The following SH3PXD2A variants were observed in gnomAD, a reference collection of about 807,000 sequenced individuals.
SH3PXD2A encodes the protein SH3 and PX domain-containing protein 2A.
SH3PXD2A carries 32 observed loss-of-function variants against 115.2 expected under a neutral mutation model. The ratio of observed to expected loss-of-function variants is 0.28; its 90% CI spans 0.21 to 0.37. The LOEUF is 0.37. Ranked by LOEUF, SH3PXD2A falls within the 10% of genes least tolerant of loss-of-function variation. SH3PXD2A has a pLI of 1.00. For synonymous variants in SH3PXD2A, 610 were observed against 629.1 expected, an observed-to-expected ratio of 0.97 and a Z score of 0.45; for missense variants, 1,328 against 1,498.7, an observed-to-expected ratio of 0.89 and a Z score of 1.88.
chr10:103,630,643 C>T (rs995465227), intron 8 of SH3PXD2A, among the ~76,000 whole-genome samples: 18 of 150,564 alleles, frequency 1.2e-4, no homozygotes, highest in Admixed American at 5.3e-4. Flanking sequence ...GAGCCAGAAG[C>T]GCTGGCTTGT....
At chr10:103,853,706 C>T (rs181823982) in intron 1 of SH3PXD2A, among the ~76,000 whole-genome samples, 20 of 152,324 alleles carry the variant, frequency 1.3e-4, no homozygotes, top group Non-Finnish European at 2.1e-4. Context: ...GAGTTGGAAA[C>T]GCACCTGCCT....
chr10:103,612,219 G>A (rs1015371572), intron 12 of SH3PXD2A, among the ~76,000 whole-genome samples: 2 of 152,222 alleles, frequency 1.3e-5, no homozygotes, highest in Non-Finnish European at 1.5e-5. Flanking sequence ...GATGGAGGGT[G>A]CCAGACTGCC....
At chr10:103,643,590 TCAAA>T (rs776484536) in intron 8 of SH3PXD2A, among the ~76,000 whole-genome samples, 111 of 152,096 alleles carry the variant, frequency 7.3e-4, no homozygotes, top group Middle Eastern at 3.4e-3. Context: ...TTGCTCTTGG[TCAAA>T]CAAACAAATG....
At chr10:103,738,651 C>T (rs1434978514) in intron 3 of SH3PXD2A, among the ~76,000 whole-genome samples, 1 of 152,310 alleles carries the variant, frequency 6.6e-6, no homozygotes, top group East Asian at 1.9e-4. Flanking sequence ...CACTCCCGCC[C>T]TTTCTCATCC....
At chr10:103,718,264 G>A (rs2038131415) in intron 5 of SH3PXD2A, among the ~76,000 whole-genome samples, 1 of 151,938 alleles carries the variant, frequency 6.6e-6, no homozygotes, top group South Asian at 2.1e-4. Context: ...CAATCCTCCC[G>A]CCTTGACCTC....
At chr10:103,607,269 G>C (rs181975957) in intron 13 of SH3PXD2A, among the ~76,000 whole-genome samples, 3 of 150,654 alleles carry the variant, frequency 2.0e-5, no homozygotes, top group African/African-American at 7.4e-5. Context: ...CAACCGCCCC[G>C]TCTGAGAAGT....
At chr10:103,608,768 C>G (rs992316388) in intron 13 of SH3PXD2A, 1 of 152,152 alleles carries the variant, frequency 6.6e-6, no homozygotes, top group Non-Finnish European at 1.5e-5. Context: ...GTGCCCAGCA[C>G]AAAATGCTCA....
chr10:103,604,088 C>T (rs908845037), intron 14 of SH3PXD2A, among the ~76,000 whole-genome samples: 2 of 152,194 alleles, frequency 1.3e-5, no homozygotes, highest in Non-Finnish European at 2.9e-5. Flanking sequence ...CCCTAAACTG[C>T]ACTGTTCCCA....
chr10:103,624,279 A>C (rs1403957753), intron 9 of SH3PXD2A, among the ~76,000 whole-genome samples: 1 of 152,242 alleles, frequency 6.6e-6, no homozygotes, highest in Non-Finnish European at 1.5e-5. Flanking sequence ...ACAGCAGCAC[A>C]GAAGACCGTG....
At chr10:103,608,448 AAAG>A (rs1233698815) in intron 13 of SH3PXD2A, among the ~76,000 whole-genome samples, 201 of 148,378 alleles carry the variant, frequency 1.4e-3, no homozygotes, top group African/African-American at 5.0e-3. Context: ...AAAAAAAAAA[AAAG>A]AAAAATTGTG....
At chr10:103,823,273 T>G (rs1209737325) in intron 1 of SH3PXD2A, among the ~76,000 whole-genome samples, 1 of 152,182 alleles carries the variant, frequency 6.6e-6, no homozygotes, top group Non-Finnish European at 1.5e-5. Flanking sequence ...AAAAGCAGCG[T>G]GCAGAAAAAT....
intron 3 of SH3PXD2A, among the ~76,000 whole-genome samples, chr10:103,737,373 G>A (rs2038392170): frequency 6.6e-6 from 1 of 152,228 alleles, no homozygotes. Context: ...ATCCACACCA[G>A]CTGCTTCTGT....
intron 3 of SH3PXD2A, among the ~76,000 whole-genome samples, chr10:103,765,187 G>A (rs887715789): frequency 6.6e-6 from 1 of 152,134 alleles, no homozygotes; most frequent in Admixed American, 6.5e-5. Context: ...GGTGAACCCG[G>A]GCAGTTTGAC....
rs550294704 is a variant in SH3PXD2A at position 103,605,073 on chromosome 10, C to T, written c.1428+725G>A. Among the ~76,000 whole-genome samples, 19 of 152,336 alleles carry T rather than the reference C, an allele frequency of 1.2e-4. No homozygotes were observed. The South Asian group carries it at 3.9e-3, about 32-fold the overall frequency. Reference sequence around the variant, plus strand: ...GCTGCCGGGAATACCATGCTCAGCCCCAGCCACAAAATAGAGTGGCATGAA... The same window carrying T: ...GCTGCCGGGAATACCATGCTCAGCCTCAGCCACAAAATAGAGTGGCATGAA... On this transcript the variant is annotated intron_variant, in intron 14 of 14. Coordinates refer to ENST00000369774, the MANE Select transcript of SH3PXD2A (RefSeq NM_001394015.1).
intron 2 of SH3PXD2A, among the ~76,000 whole-genome samples, chr10:103,795,169 CAAGG>C (rs1363635100): frequency 7.2e-5 from 11 of 152,206 alleles, no homozygotes; most frequent in African/African-American, 2.7e-4. Flanking sequence ...CAAGTGCAAC[CAAGG>C]AACTGAACAT....
chr10:103,685,262 C>A (rs1369849087), intron 6 of SH3PXD2A, among the ~76,000 whole-genome samples: 3 of 148,792 alleles, frequency 2.0e-5, no homozygotes, highest in African/African-American at 5.0e-5. Flanking sequence ...TCACTTGAAC[C>A]CAGGAGGTGG....
At chr10:103,779,278 G>C (rs1421412082) in intron 2 of SH3PXD2A, among the ~76,000 whole-genome samples, 5 of 152,150 alleles carry the variant, frequency 3.3e-5, no homozygotes, top group Admixed American at 2.0e-4. Flanking sequence ...ATGTTGGCCG[G>C]GCTGGTCTCG....
chr10:103,751,615 G>A (rs957398546), intron 3 of SH3PXD2A, among the ~76,000 whole-genome samples: 3 of 152,170 alleles, frequency 2.0e-5, no homozygotes, highest in Admixed American at 6.5e-5. Context: ...AAAATCTCCA[G>A]CTTTAAAAAT....
intron 5 of SH3PXD2A, among the ~76,000 whole-genome samples, chr10:103,700,202 G>C (rs1226115987): frequency 6.6e-6 from 1 of 150,504 alleles, no homozygotes; most frequent in Non-Finnish European, 1.5e-5. Flanking sequence ...AGGTGGGTTA[G>C]AACCCTGGTT....
Sources: allele counts gnomAD v4.1 joint callset (sites outside exome capture counted in the v4.1 genomes callset), GRCh38; gene constraint gnomAD v4.1.1; transcripts MANE v1.5; gene names NCBI Gene and HGNC (gene_info 2026-07-23, HGNC 2026-07-21).